Variants in PHF24 observed in about 807,000 individuals in gnomAD.
PHF24 encodes the protein Galpha inhibitory interacting protein.
In PHF24, 25 loss-of-function variants were observed where a neutral mutation model predicts 42.6. The ratio of observed to expected loss-of-function variants is 0.59; its 90% CI spans 0.43 to 0.82. PHF24 has a LOEUF of 0.82. Among genes scored for constraint, PHF24 ranks in the 40% least tolerant of loss-of-function variants. The probability of loss-of-function intolerance (pLI) is 0.00; values close to 1 mark genes in which losing one functional copy is unlikely to be tolerated. For missense variants in PHF24, 470 were observed against 538.1 expected (o/e 0.87, Z 1.25); for synonymous variants, 185 against 204.8 (o/e 0.90, Z 0.83).
At chr9:34,710,050 G>A in the PHF24 span, 4 of 1,613,840 alleles carry the variant, frequency 2.5e-6, no homozygotes, top group Non-Finnish European at 3.4e-6. Context: ...GAGGCTCAGA[G>A]CCAGTGACTG....
the PHF24 span, among the ~76,000 whole-genome samples, chr9:34,860,437 G>A: frequency 6.6e-6 from 1 of 152,054 alleles, no homozygotes; most frequent in African/African-American, 2.4e-5. Context: ...GGCAAAAACT[G>A]CAATTACTTT....
the PHF24 span, among the ~76,000 whole-genome samples, chr9:34,744,891 G>A: frequency 6.6e-6 from 1 of 152,018 alleles, no homozygotes; most frequent in Non-Finnish European, 1.5e-5. Context: ...AAAAATCCAG[G>A]TCCATGACAT....
the PHF24 span, chr9:34,710,238 C>T: frequency 1.1e-5 from 7 of 621,958 alleles, no homozygotes; most frequent in East Asian, 8.3e-5. Flanking sequence ...TTTGCTGGCA[C>T]CCAGCCCCAC....
At chr9:34,945,427 T>C in the PHF24 span, among the ~76,000 whole-genome samples, 1 of 152,158 alleles carries the variant, frequency 6.6e-6, no homozygotes, top group Non-Finnish European at 1.5e-5. Flanking sequence ...GAACACGACA[T>C]AGGTCCGAGT....
chr9:34,942,487 A>G, the PHF24 span, among the ~76,000 whole-genome samples: 1 of 152,206 alleles, frequency 6.6e-6, no homozygotes, highest in Non-Finnish European at 1.5e-5. Flanking sequence ...CTATCAATGA[A>G]ATGGATTAGT....
chr9:34,805,669 CCCTT>C, the PHF24 span, among the ~76,000 whole-genome samples: 1 of 152,184 alleles, frequency 6.6e-6, no homozygotes, highest in African/African-American at 2.4e-5. Flanking sequence ...CCTTTTCACT[CCCTT>C]GATAGTCCTT....
the PHF24 span, among the ~76,000 whole-genome samples, chr9:34,762,245 A>G: frequency 3.3e-5 from 5 of 150,616 alleles, no homozygotes; most frequent in Non-Finnish European, 7.4e-5. Flanking sequence ...TGGTATTTCC[A>G]GTTCTAGATC....
chr9:34,727,162 G>C, the PHF24 span, among the ~76,000 whole-genome samples: 1 of 152,252 alleles, frequency 6.6e-6, no homozygotes, highest in Non-Finnish European at 1.5e-5. Context: ...GCAAGGTGTG[G>C]TGGGCTGGGC....
chr9:34,922,956 C>CG, the PHF24 span: 1 of 1,308,990 alleles, frequency 7.6e-7, no homozygotes. Context: ...CACCTTGTGT[C>CG]GGCATGGCCT....
At chr9:34,749,917 G>A in the PHF24 span, among the ~76,000 whole-genome samples, 2 of 152,100 alleles carry the variant, frequency 1.3e-5, no homozygotes, top group Non-Finnish European at 2.9e-5. Flanking sequence ...CAGGGCAGGA[G>A]AGAATAATAT....
the PHF24 span, among the ~76,000 whole-genome samples, chr9:34,680,199 A>G: frequency 6.6e-6 from 1 of 152,006 alleles, no homozygotes; most frequent in Non-Finnish European, 1.5e-5. Context: ...ACATGGTAAA[A>G]CCCCATCTCT....
At chr9:34,690,086 G>A in the PHF24 span, 1 of 1,592,400 alleles carries the variant, frequency 6.3e-7, no homozygotes, top group Non-Finnish European at 8.6e-7. Flanking sequence ...ACCATGTCTG[G>A]GAACCTGTTT....
At chr9:34,959,848 G>A (rs1826528057) in intron 1 of PHF24, among the ~76,000 whole-genome samples, 1 of 152,200 alleles carries the variant, frequency 6.6e-6, no homozygotes, top group Non-Finnish European at 1.5e-5. Context: ...ACTCGAAGGA[G>A]AGAAAGGAGA....
At chr9:34,744,091 G>A in the PHF24 span, among the ~76,000 whole-genome samples, 1 of 152,116 alleles carries the variant, frequency 6.6e-6, no homozygotes, top group Non-Finnish European at 1.5e-5. Context: ...TAATACCTTT[G>A]CACTGGAGAT....
chr9:34,836,355 C>G, the PHF24 span, among the ~76,000 whole-genome samples: 1 of 152,114 alleles, frequency 6.6e-6, no homozygotes, highest in African/African-American at 2.4e-5. Flanking sequence ...AGAAAGGAAC[C>G]AAGCATGTGG....
the PHF24 span, among the ~76,000 whole-genome samples, chr9:34,672,929 C>T: frequency 6.6e-6 from 1 of 152,198 alleles, no homozygotes; most frequent in Admixed American, 6.5e-5. Context: ...GCCTCAGCTT[C>T]CCAAGTAGCT....
chr9:34,889,049 G>A, the PHF24 span: 2 of 398,398 alleles, frequency 5.0e-6, no homozygotes, highest in East Asian at 7.1e-5. Flanking sequence ...AAATGAGGAG[G>A]CACAAACAGG....
the PHF24 span, among the ~76,000 whole-genome samples, chr9:34,696,493 A>G: frequency 6.6e-6 from 1 of 151,824 alleles, no homozygotes; most frequent in African/African-American, 2.4e-5. Flanking sequence ...TCTCAAAAAA[A>G]AAAAAAAAAA....
the PHF24 span, among the ~76,000 whole-genome samples, chr9:34,798,870 C>T: frequency 1.5e-3 from 227 of 152,250 alleles, no homozygotes; most frequent in African/African-American, 5.1e-3. Context: ...CAACATCTGT[C>T]ATTTTTGACT....
Sources: allele counts gnomAD v4.1 joint callset (sites outside exome capture counted in the v4.1 genomes callset), GRCh38; gene constraint gnomAD v4.1.1; transcripts MANE v1.5; gene names NCBI Gene and HGNC (gene_info 2026-07-23, HGNC 2026-07-21).